The following HHAT variants were observed in gnomAD, a reference collection of about 807,000 sequenced individuals.
HHAT encodes the protein protein-cysteine N-palmitoyltransferase HHAT.
HHAT carries 47 observed loss-of-function variants against 70.8 expected under a neutral mutation model. The observed-to-expected ratio is 0.66, with a 90% CI of 0.53 to 0.85. The LOEUF is 0.85. HHAT is among the 40% of genes least tolerant of loss of function. HHAT has a pLI of 0.00. For synonymous variants in HHAT, 228 were observed against 247.6 expected, an observed-to-expected ratio of 0.92 and a Z score of 0.74; for missense variants, 609 against 604.8, an observed-to-expected ratio of 1.01 and a Z score of -0.07.
intron 8 of HHAT, among the ~76,000 whole-genome samples, chr1:210,466,802 T>C (rs1295200626): frequency 1.3e-5 from 2 of 152,172 alleles, no homozygotes; most frequent in Non-Finnish European, 2.9e-5. Context: ...CCTTCAGTTC[T>C]ATATCAACCA....
upstream of HHAT, among the ~76,000 whole-genome samples, chr1:210,328,039 C>T (rs2084689240): frequency 6.6e-6 from 1 of 152,172 alleles, no homozygotes; most frequent in South Asian, 2.1e-4. Context: ...ATTACAATGA[C>T]TGCTAGATGA....
At chr1:210,631,951 T>C (rs529317901) in intron 11 of HHAT, among the ~76,000 whole-genome samples, 11 of 152,242 alleles carry the variant, frequency 7.2e-5, no homozygotes, top group Non-Finnish European at 1.5e-4. Context: ...AAATCCTGTT[T>C]TGTCAGCACC....
Position 210,523,644 on chromosome 1 carries a change from G to GC in HHAT, c.1043+10461dup. On this transcript the variant is annotated intron_variant, in intron 9 of 11. Coordinates refer to ENST00000261458, the MANE Select transcript of HHAT (RefSeq NM_018194.6). ...CGCACACGTGCGCATGTGTGTTGCAGCCCCCTCCCAGGTAGTGAGCAGGGT... is the reference window on the plus strand; with the variant it reads ...CGCACACGTGCGCATGTGTGTTGCAGCCCCCCTCCCAGGTAGTGAGCAGGGT... Among the ~76,000 whole-genome samples, 6 of 152,256 alleles carry GC rather than the reference G, an allele frequency of 3.9e-5. No homozygotes were observed. The South Asian group carries it at 1.2e-3, about 32-fold the overall frequency.
intron 7 of HHAT, among the ~76,000 whole-genome samples, chr1:210,464,163 T>C (rs2094044688): frequency 1.3e-5 from 2 of 152,270 alleles, no homozygotes; most frequent in South Asian, 4.1e-4. Flanking sequence ...TTGTACCCAT[T>C]ATCATGTAGG....
intron 11 of HHAT, among the ~76,000 whole-genome samples, chr1:210,642,773 A>G (rs777904192): frequency 6.6e-6 from 1 of 152,112 alleles, no homozygotes; most frequent in Non-Finnish European, 1.5e-5. Flanking sequence ...TGTTGTAAAT[A>G]TGTTCTCCCA....
chr1:210,466,124 C>T (rs995708883), intron 8 of HHAT, among the ~76,000 whole-genome samples: 1 of 147,796 alleles, frequency 6.8e-6, no homozygotes, highest in African/African-American at 2.6e-5. Context: ...CAAGGAATCG[C>T]AAGGAATGAA....
At chr1:210,445,050 G>A (rs2093607286) in intron 7 of HHAT, among the ~76,000 whole-genome samples, 1 of 152,052 alleles carries the variant, frequency 6.6e-6, no homozygotes, top group South Asian at 2.1e-4. Context: ...ATGTTGGTCA[G>A]GCTGGTCTTG....
chr1:210,535,232 C>T (rs986279781), intron 9 of HHAT, among the ~76,000 whole-genome samples: 1 of 152,094 alleles, frequency 6.6e-6, no homozygotes, highest in African/African-American at 2.4e-5. Context: ...GTGAACATGC[C>T]CATATCAGGC....
intron 1 of HHAT, among the ~76,000 whole-genome samples, chr1:210,334,177 C>CTTTTTTTTTTTTTTTTT (rs1342123521): frequency 3.2e-4 from 11 of 34,540 alleles, no homozygotes; most frequent in African/African-American, 1.6e-3. Context: ...TTTAGCGTGT[C>CTTTTTTTTTTTTTTTTT]ATTTTTTTTT....
At chr1:210,669,847 A>G (rs1313707413) in intron 11 of HHAT, among the ~76,000 whole-genome samples, 1 of 152,218 alleles carries the variant, frequency 6.6e-6, no homozygotes, top group Non-Finnish European at 1.5e-5. Flanking sequence ...AGCCACATTA[A>G]TGGGGAGAGA....
At chr1:210,555,405 A>G (rs914400132) in intron 9 of HHAT, among the ~76,000 whole-genome samples, 1 of 152,206 alleles carries the variant, frequency 6.6e-6, no homozygotes, top group African/African-American at 2.4e-5. Flanking sequence ...GACAGGAAGA[A>G]TTTTAAGTTG....
chr1:210,505,252 C>A (rs2094832761), intron 8 of HHAT, among the ~76,000 whole-genome samples: 1 of 152,072 alleles, frequency 6.6e-6, no homozygotes, highest in Admixed American at 6.6e-5. Context: ...ACAGATGGAG[C>A]TGAAGATGGT....
intron 3 of HHAT, among the ~76,000 whole-genome samples, chr1:210,384,286 C>T (rs529470227): frequency 3.3e-5 from 5 of 152,068 alleles, no homozygotes; most frequent in Admixed American, 2.0e-4. Context: ...GAACGGTGAA[C>T]GGGAGGATGA....
At chr1:210,529,229 C>G (rs997357167) in intron 9 of HHAT, among the ~76,000 whole-genome samples, 1 of 151,294 alleles carries the variant, frequency 6.6e-6, no homozygotes, top group East Asian at 1.9e-4. Context: ...TGCTTGAATC[C>G]AGGAGGTAGA....
chr1:210,423,854 T>C (rs1004815728), intron 7 of HHAT, among the ~76,000 whole-genome samples: 12 of 152,178 alleles, frequency 7.9e-5, no homozygotes, highest in African/African-American at 1.9e-4. Context: ...GCTGTAGATA[T>C]GTGGATTAAT....
In HHAT at chr1:210,547,997, T is replaced by TTTA. The variant is rs577365969; in HGVS notation, c.1043+34811_1043+34813dup. Among the ~76,000 whole-genome samples the TTTA allele has an allele frequency of 1.5e-4, 23 of 152,298 alleles. No homozygotes were observed. In the South Asian group the frequency reaches 4.6e-3, roughly 30 times the overall value. Reference sequence around the variant, plus strand: ...TAAACAACTGTATAATAAGGTGGTGTTTATAGGAAACAGTCCAAGAAGGTC... The same window carrying TTTA: ...TAAACAACTGTATAATAAGGTGGTGTTTATTATAGGAAACAGTCCAAGAAGGTC... On this transcript the variant is annotated intron_variant, in intron 9 of 11. Transcript: ENST00000261458.
At position 210,603,106 on chromosome 1, in the gene HHAT, C is replaced by T. The variant is rs189185444; in HGVS notation, c.1245+15007C>T. On this transcript the variant is annotated intron_variant, in intron 10 of 11. Coordinates refer to ENST00000261458, the MANE Select transcript of HHAT (RefSeq NM_018194.6). Reference sequence around the variant, plus strand: ...CCAGGACTGGCCAGTGCTTGGCCTTCTGCTGCCTTTGCTCGGCTGCTCAGT... The same window carrying T: ...CCAGGACTGGCCAGTGCTTGGCCTTTTGCTGCCTTTGCTCGGCTGCTCAGT... Among the ~76,000 whole-genome samples the T allele has an allele frequency of 1.3e-3, 203 of 152,348 alleles. 1 individual carries two copies. The highest frequency in any genetic ancestry group is 4.7e-3 in the African/African-American group (195 of 41,590).
intron 11 of HHAT, among the ~76,000 whole-genome samples, chr1:210,628,535 T>C (rs4504959): frequency 1.3e-5 from 2 of 152,014 alleles, no homozygotes; most frequent in African/African-American, 2.4e-5. Flanking sequence ...TCTATTATCC[T>C]ATCTATTTTG....
intron 9 of HHAT, among the ~76,000 whole-genome samples, chr1:210,574,937 C>CGGCA (rs1657300166): frequency 6.6e-6 from 1 of 152,110 alleles, no homozygotes; most frequent in South Asian, 2.1e-4. Context: ...AGATTAGGAC[C>CGGCA]GGCAGGAGTG....
Sources: allele counts gnomAD v4.1 joint callset (sites outside exome capture counted in the v4.1 genomes callset), GRCh38; gene constraint gnomAD v4.1.1; transcripts MANE v1.5; gene names NCBI Gene and HGNC (gene_info 2026-07-23, HGNC 2026-07-21).